Variants in WDR81 observed in about 807,000 individuals in gnomAD.
WDR81 encodes WD repeat-containing protein 81.
Under a neutral mutation model 140.8 loss-of-function variants are expected in WDR81, and 92 were observed. The ratio of observed to expected loss-of-function variants is 0.65; its 90% CI spans 0.55 to 0.78. WDR81 has a LOEUF of 0.78. Among genes scored for constraint, WDR81 ranks in the 30% least tolerant of loss-of-function variants. The pLI, the probability that WDR81 is intolerant of heterozygous loss-of-function variation, is 0.00. For synonymous variants in WDR81, 1,183 were observed against 1,156.4 expected (o/e 1.02, Z -0.47); for missense variants, 2,502 against 2,636.4 (o/e 0.95, Z 1.12).
At position 1,736,212 on chromosome 17, in the gene WDR81, G is replaced by T; in HGVS notation, c.5499G>T (p.Gln1833His). 1 of 1,596,554 alleles carries T rather than the reference G, an allele frequency of 6.3e-7. No homozygotes were observed. Among genetic ancestry groups the T allele is most frequent in the Non-Finnish European group, 8.5e-7 (1 of 1,178,492 alleles). The change falls in exon 9 of 10, where the codon CAG becomes CAT. Residue 1833 changes from glutamine to histidine, a missense_variant. Transcript: ENST00000409644. ...GWPAHEGDIL[Q>H]IKAVEGSVLV... is the part of the protein sequence containing the mutation. ...CAGCCCACGAGGGGGACATTCTGCAGATCAAGGTGACGGGCCGGGTCTCCC... is the reference window on the plus strand; with the variant it reads ...CAGCCCACGAGGGGGACATTCTGCATATCAAGGTGACGGGCCGGGTCTCCC...
chr17:1,737,532 T>C lies in WDR81; in HGVS notation c.5673T>C (p.Ile1891=), dbSNP rs1178501959. The C allele has an allele frequency of 3.1e-6, 5 of 1,612,918 alleles. No homozygotes were observed. Among genetic ancestry groups the C allele is most frequent in the Non-Finnish European group, 3.4e-6 (4 of 1,180,004 alleles). Residue 1891 remains isoleucine, a synonymous_variant, in exon 10 of 10, where the codon ATT becomes ATC. Coordinates refer to ENST00000409644, the MANE Select transcript of WDR81 (RefSeq NM_001163809.2). ...TCACTGGCACCGTGTCCAACAAGAT[T>C]GGCGTCTGCTCCCTGCTTGAGCCAC... ...EVVTGTVSNK[I]GVCSLLEPPS...
In WDR81 at chr17:1,738,389, C is replaced by G. The variant is rs142610446; in HGVS notation, c.*704C>G. ...GGGGGCAGCCTCTGGGCCCTGAACC[C>G]CTGCTGGGGCTCCACGACCCTGAGA... On this transcript the variant is annotated 3_prime_UTR_variant, in exon 10 of 10. Transcript: ENST00000409644. The G allele has an allele frequency of 1.8e-3, 269 of 153,354 alleles. No homozygotes were observed. The highest frequency in any genetic ancestry group is 3.0e-3 in the Non-Finnish European group (203 of 68,674). 9.5% of individuals were successfully genotyped at this position (153,354 alleles called of 1,614,324 possible). A position where few individuals can be genotyped will look rare whatever the true frequency, so the allele number is the denominator to read the frequency against.
At position 1,737,499 on chromosome 17, in the gene WDR81, C is replaced by T. The variant is rs8077638; in HGVS notation, c.5640C>T (p.Ser1880=). ...TCCACACCTTTGACCTGTACGGCAG[C>T]GAGGTGGTCACTGGCACCGTGTCCA... ...DPIHTFDLYG[S]EVVTGTVSNK... is the part of the protein sequence containing the mutation. The change falls in exon 10 of 10, where the codon AGC becomes AGT. Residue 1880 remains serine, a synonymous_variant. Transcript: ENST00000409644. 0.23 allele frequency: 367,390 copies of T among 1,612,970 alleles called. 43,600 individuals are homozygous for T. Among genetic ancestry groups the T allele is most frequent in the South Asian group, 0.38 (34,948 of 91,086 alleles).
rs747116866 is a variant in WDR81 at position 1,728,564 on chromosome 17, GAGA to G, written c.3612_3614del (p.Glu1207del). 2.8e-5 allele frequency: 42 copies of G among 1,517,924 alleles called. No homozygotes were observed. Among genetic ancestry groups the G allele is most frequent in the Non-Finnish European group, 3.6e-5 (40 of 1,126,152 alleles). 94.0% of individuals were successfully genotyped at this position (1,517,924 alleles called of 1,614,324 possible). The stretch of plus-strand genomic sequence containing the variant: ...GTGGCCGGCGGCAGTGGGGGAGATG[GAGA>G]AGAAGAGGAGGAGGCACTGCCTGAG... On this transcript the variant is annotated inframe_deletion, in exon 1 of 10. Transcript: ENST00000409644.
rs1165738138 is a variant in WDR81 at position 1,727,844 on chromosome 17, T to G, written c.2885T>G (p.Leu962Arg). 6.4e-7 allele frequency: 1 copy of G among 1,550,468 alleles called. No individual in the cohort carries two copies. The highest frequency in any genetic ancestry group is 1.2e-5 in the South Asian group (1 of 84,072). Residue 962 changes from leucine to arginine, a missense_variant, in exon 1 of 10, where the codon CTC (leucine) becomes CGC (arginine). Transcript: ENST00000409644. Reference protein sequence around the residue: ...ALGPKNANKYLLKPLIGAYES... With the variant: ...ALGPKNANKYRLKPLIGAYES... ...GGCCCCAAAAATGCCAATAAGTACC[T>G]CCTGAAGCCGCTCATTGGTGCCTAC...
At chr17:1,734,283 G>A in intron 7 of WDR81, 67 bp downstream of exon 7, 1 of 1,456,064 alleles carries the variant, frequency 6.9e-7, no homozygotes. Context: ...CCAGGAAGGG[G>A]GCCCGAGGGT....
At chr17:1,732,032 G>A (rs924740520) in intron 4 of WDR81, among the ~76,000 whole-genome samples, 9 of 151,832 alleles carry the variant, frequency 5.9e-5, no homozygotes, top group Non-Finnish European at 1.0e-4. Context: ...TCAGGAGTTC[G>A]AGACCAGCCT....
In WDR81 at chr17:1,737,578, C is replaced by A; in HGVS notation, c.5719C>A (p.Leu1907Ile). 6.2e-7 allele frequency: 1 copy of A among 1,612,912 alleles called. No homozygotes were observed. The highest frequency in any genetic ancestry group is 8.5e-7 in the Non-Finnish European group (1 of 1,180,008). Residue 1907 changes from leucine (L) to isoleucine (I), a missense_variant, in exon 10 of 10, where the codon CTC becomes ATC. By Grantham distance (5) the Leu-to-Ile change is conservative. This residue lies in a region of WDR81 where 1,737 missense variants were observed against 1,843.0 expected (regional missense o/e 0.94). Coordinates refer to ENST00000409644, the MANE Select transcript of WDR81 (RefSeq NM_001163809.2). ...LEPPSQATTKLSSENFRGTLT... is the reference protein window; with the variant it reads ...LEPPSQATTKISSENFRGTLT... ...GCCACCCTCGCAGGCCACCACGAAG[C>A]TCAGCTCTGAGAACTTCCGCGGCAC... is the stretch of plus-strand genomic sequence containing the variant.
At chr17:1,737,300 C>G in intron 9 of WDR81, 65 bp from the exon 10 acceptor site, 1 of 1,482,276 alleles carries the variant, frequency 6.7e-7, no homozygotes. Context: ...ACTGGGAAGG[C>G]CTTGGGGCCC....
chr17:1,726,583 C>T lies in WDR81; in HGVS notation c.1624C>T (p.His542Tyr). ...LESREVSRDL[H>Y]HWIDLTFGYK... ...GAGCCGCGAGGTATCCCGGGACCTG[C>T]ACCATTGGATCGACCTCACGTTTGG... Residue 542 changes from histidine to tyrosine, a missense_variant, in exon 1 of 10, where the codon CAC becomes TAC. Transcript: ENST00000409644. 1 of 1,550,378 alleles carries T rather than the reference C, an allele frequency of 6.5e-7. No homozygotes were observed.
In WDR81 at chr17:1,737,956, T is replaced by A. The variant is rs190097774; in HGVS notation, c.*271T>A. The stretch of plus-strand genomic sequence containing the variant: ...AGGAAGTTAAGAGCAGGAGGAAGCG[T>A]TGCTACCTTCACTTCTCCCCAGCTC... On this transcript the variant is annotated 3_prime_UTR_variant, in exon 10 of 10. Coordinates refer to ENST00000409644, the MANE Select transcript of WDR81 (RefSeq NM_001163809.2). The A allele has an allele frequency of 1.1e-5, 6 of 559,910 alleles. No homozygotes were observed. The East Asian group carries it at 1.8e-4, about 17-fold the overall frequency. 34.7% of individuals were successfully genotyped at this position (559,910 alleles called of 1,614,324 possible).
In WDR81 at chr17:1,726,032, G is replaced by A; in HGVS notation, c.1073G>A (p.Ser358Asn). The change falls in exon 1 of 10, where the codon AGC (serine) becomes AAC (asparagine). Residue 358 changes from serine (S) to asparagine (N), a missense_variant. Coordinates refer to ENST00000409644, the MANE Select transcript of WDR81 (RefSeq NM_001163809.2). ...CTAGATTGGGTCCACGGCCGCATCA[G>A]CAACTTCCACTACCTCATGCAGCTG... The part of the protein sequence containing the change: ...LVLDWVHGRI[S>N]NFHYLMQLNR... 4 of 1,544,794 alleles carry A rather than the reference G, an allele frequency of 2.6e-6. No individual in the cohort carries two copies. Among genetic ancestry groups the A allele is most frequent in the Non-Finnish European group, 2.6e-6 (3 of 1,142,992 alleles).
chr17:1,736,235 C>G lies in WDR81; in HGVS notation c.5505+17C>G, dbSNP rs1224278080. 6 of 1,589,558 alleles carry G rather than the reference C, an allele frequency of 3.8e-6. No individual in the cohort carries two copies. In the East Asian group the frequency reaches 1.1e-4, roughly 30 times the overall value. The stretch of plus-strand genomic sequence containing the variant: ...CAGATCAAGGTGACGGGCCGGGTCT[C>G]CCTCCCCTTGCTGCCCAACCCCCGC... On this transcript the variant is annotated intron_variant, in intron 9 of 9. Transcript: ENST00000409644.
Position 1,732,835 on chromosome 17 carries a change from C to A in WDR81, c.4489+4C>A. The A allele has an allele frequency of 6.3e-7, 1 of 1,598,536 alleles. No individual in the cohort carries two copies. The highest frequency in any genetic ancestry group is 8.5e-7 in the Non-Finnish European group (1 of 1,170,914). On this transcript the variant is annotated splice_donor_region_variant and intron_variant, in intron 6 of 9. Transcript: ENST00000409644. ...GTGCCCTTCTCCTGCCTGTTGGGTA[C>A]TGCCCCATCACGTTCCCCATCACAG...
intron 1 of WDR81, 141 bp from the exon 2 acceptor site, chr17:1,730,239 G>T (rs900998012): frequency 1.7e-5 from 11 of 647,736 alleles, no homozygotes; most frequent in Non-Finnish European, 2.6e-5. Context: ...CGTGGAGGGG[G>T]TGGTGTGGGA....
Position 1,728,338 on chromosome 17 carries a change from G to A in WDR81, c.3379G>A (p.Glu1127Lys), listed in dbSNP as rs756632634. ...CCTGGGTGAGGAGCGGGCTCCAGACGAGGGGGGTGCCCCCGTGGACAAGAG... is the reference window on the plus strand; with the variant it reads ...CCTGGGTGAGGAGCGGGCTCCAGACAAGGGGGGTGCCCCCGTGGACAAGAG... The part of the protein sequence containing the change: ...TSLGEERAPD[E>K]GGAPVDKSSL... Residue 1127 changes from glutamate to lysine, a missense_variant, in exon 1 of 10, where the codon GAG (glutamate) becomes AAG (lysine). Glu to Lys is a moderately conservative substitution (Grantham distance 56). Transcript: ENST00000409644. 8 of 1,612,786 alleles carry A rather than the reference G, an allele frequency of 5.0e-6. No individual in the cohort carries two copies. The African/African-American group carries it at 5.3e-5, about 11-fold the overall frequency.
Position 1,737,742 on chromosome 17 carries a change from C to T in WDR81, c.*57C>T. On this transcript the variant is annotated 3_prime_UTR_variant, in exon 10 of 10. Coordinates refer to ENST00000409644, the MANE Select transcript of WDR81 (RefSeq NM_001163809.2). ...GAAGACATCTGCGGGCGCGTGTCCA[C>T]TCACCCTGTTCCCTGAGCAGCAGCT... The T allele has an allele frequency of 2.0e-6, 3 of 1,523,454 alleles. No individual in the cohort carries two copies. The highest frequency in any genetic ancestry group is 2.6e-6 in the Non-Finnish European group (3 of 1,138,966). The allele number at this position is 1,523,454 out of a possible 1,614,324, so 94.4% of individuals were successfully genotyped here.
rs1915252202 is a variant in WDR81, at chr17:1,726,262, C to T, written c.1303C>T (p.Pro435Ser). 1 of 1,537,722 alleles carries T rather than the reference C, an allele frequency of 6.5e-7. No homozygotes were observed. The highest frequency in any genetic ancestry group is 8.8e-7 in the Non-Finnish European group (1 of 1,139,734). ...AGGCGGGGCGGGCGGCGGGGAACCCCCTCATGTTCCCCACCACATCTCAGA... is the reference window on the plus strand; with the variant it reads ...AGGCGGGGCGGGCGGCGGGGAACCCTCTCATGTTCCCCACCACATCTCAGA... ...VAGGAGGGEP[P>S]HVPHHISDVL... The change falls in exon 1 of 10, where the codon CCT becomes TCT. Residue 435 changes from proline (P) to serine (S), a missense_variant. Coordinates refer to ENST00000409644, the MANE Select transcript of WDR81 (RefSeq NM_001163809.2).
chr17:1,723,563 GC>G (rs1410665565), upstream of WDR81, among the ~76,000 whole-genome samples: 2 of 151,364 alleles, frequency 1.3e-5, no homozygotes, highest in African/African-American at 4.9e-5. Flanking sequence ...TCGGCTCACT[GC>G]AAGCTCTGCC....
Sources: allele counts gnomAD v4.1 joint callset (sites outside exome capture counted in the v4.1 genomes callset), GRCh38; gene constraint gnomAD v4.1.1; regional missense constraint gnomAD v4.1.1; transcripts MANE v1.5; gene names NCBI Gene and HGNC (gene_info 2026-07-23, HGNC 2026-07-21).